HACL2: variants seen among roughly 807,000 people sequenced by gnomAD.
HACL2 encodes the protein 2-hydroxyacyl-CoA lyase 1 like.
the HACL2 span, chr19:15,123,105 G>C: frequency 1.9e-6 from 3 of 1,613,354 alleles, no homozygotes; most frequent in South Asian, 3.3e-5. The surrounding 1 kb of genome is among the most constrained non-coding windows in gnomAD (Gnocchi z 5.1). Flanking sequence ...TGGCCCCCAA[G>C]GACTGGGTAC....
chr19:15,122,645 G>A, the HACL2 span: 2 of 1,500,914 alleles, frequency 1.3e-6, no homozygotes, highest in African/African-American at 1.4e-5. The surrounding 1 kb of genome is among the most constrained non-coding windows in gnomAD (Gnocchi z 4.0). Flanking sequence ...GAAGCTGCAG[G>A]AGAGAACGGG....
At chr19:15,120,003 G>C in the HACL2 span, 6 of 1,550,104 alleles carry the variant, frequency 3.9e-6, no homozygotes, top group African/African-American at 1.4e-5. Context: ...AAGCCTGGGG[G>C]ATGTCCAGGG....
At chr19:15,115,760 G>A in the HACL2 span, 1 of 1,564,422 alleles carries the variant, frequency 6.4e-7, no homozygotes, top group Non-Finnish European at 8.8e-7. Context: ...GCCTCTGCCA[G>A]AGAGGAGGCT....
At chr19:15,116,984 TC>T in the HACL2 span, 1 of 179,756 alleles carries the variant, frequency 5.6e-6, no homozygotes, top group Non-Finnish European at 1.2e-5. Flanking sequence ...AAGGTGAGGC[TC>T]TGCCGCTGTT....
the HACL2 span, among the ~76,000 whole-genome samples, chr19:15,121,865 G>A: frequency 6.7e-6 from 1 of 148,262 alleles, no homozygotes; most frequent in African/African-American, 2.5e-5. Flanking sequence ...AGGAAAGGAG[G>A]AGGAAGGAGA....
At chr19:15,117,958 A>G in the HACL2 span, 1 of 1,614,136 alleles carries the variant, frequency 6.2e-7, no homozygotes, top group Non-Finnish European at 8.5e-7. Context: ...GACGATGATG[A>G]TCTTGCTGCT....
the HACL2 span, chr19:15,115,695 G>A: frequency 2.6e-5 from 41 of 1,594,572 alleles, no homozygotes; most frequent in Non-Finnish European, 3.0e-5. Flanking sequence ...ATGAAGGCAG[G>A]CCGCAGCCTT....
the HACL2 span, among the ~76,000 whole-genome samples, chr19:15,121,485 G>A: frequency 1.2e-4 from 18 of 152,226 alleles, no homozygotes; most frequent in East Asian, 2.9e-3. Context: ...GGAGGAAGAA[G>A]AGGAAGAGGA....
the HACL2 span, chr19:15,124,588 G>T: frequency 3.1e-6 from 1 of 326,300 alleles, no homozygotes; most frequent in Non-Finnish European, 5.7e-6. Context: ...CCCCCTCGCT[G>T]GAGCCTGCCC....
the HACL2 span, chr19:15,122,676 G>A: frequency 6.2e-7 from 1 of 1,600,282 alleles, no homozygotes; most frequent in Non-Finnish European, 8.6e-7. This position sits in a 1 kb window ranked among gnomAD's most constrained non-coding sequence, Gnocchi z 4.0. Context: ...GGGAATGGCA[G>A]GGGTGGGGCT....
chr19:15,125,731 G>T, the HACL2 span: 5 of 152,276 alleles, frequency 3.3e-5, no homozygotes, highest in South Asian at 2.1e-4. Context: ...GAGCGTGGCC[G>T]TGCCCGGGTG....
the HACL2 span, among the ~76,000 whole-genome samples, chr19:15,121,851 G>A: frequency 3.7e-3 from 551 of 150,772 alleles, 2 homozygotes; most frequent in African/African-American, 0.013. Context: ...AAAGATGTGA[G>A]GGAAGGAAAG....
chr19:15,115,262 A>G, the HACL2 span: 2 of 1,614,016 alleles, frequency 1.2e-6, no homozygotes, highest in African/African-American at 1.3e-5. Flanking sequence ...CTATACAGCA[A>G]TGGAGCCATC....
At chr19:15,115,925 G>C in the HACL2 span, 6 of 1,614,162 alleles carry the variant, frequency 3.7e-6, no homozygotes, top group African/African-American at 1.3e-5. Context: ...ACCAGACCTA[G>C]TCGGGAGGGG....
chr19:15,121,254 G>A, the HACL2 span, among the ~76,000 whole-genome samples: 25 of 152,012 alleles, frequency 1.6e-4, no homozygotes, highest in South Asian at 2.1e-4. Flanking sequence ...GCGAGACTCC[G>A]TCTCAAAAAA....
At chr19:15,115,768 G>T in the HACL2 span, 1 of 1,572,650 alleles carries the variant, frequency 6.4e-7, no homozygotes, top group Non-Finnish European at 8.7e-7. Context: ...CAGAGAGGAG[G>T]CTCCCTCCCC....
chr19:15,124,626 G>C, the HACL2 span: 5 of 431,442 alleles, frequency 1.2e-5, no homozygotes, highest in Admixed American at 4.2e-5. Flanking sequence ...ATCCAGGTTA[G>C]GGAGCACAGA....
chr19:15,121,562 T>C, the HACL2 span, among the ~76,000 whole-genome samples: 7 of 151,912 alleles, frequency 4.6e-5, no homozygotes, highest in African/African-American at 1.4e-4. Flanking sequence ...ATGTCTGTAA[T>C]GTTTGAGAGG....
the HACL2 span, chr19:15,124,838 C>T: frequency 6.6e-7 from 1 of 1,516,170 alleles, no homozygotes; most frequent in Non-Finnish European, 8.9e-7. Flanking sequence ...CTTTCCCACC[C>T]TGCACAATGA....
Sources: gnomAD v4.1 joint callset for allele counts (sites outside exome capture counted in the v4.1 genomes callset) on GRCh38, gnomAD v4.1.1 for gene constraint, Gnocchi (gnomAD v3.1) non-coding constraint, MANE v1.5 for transcripts, NCBI Gene and HGNC (gene_info 2026-07-23, HGNC 2026-07-21) for gene names.